Variants in DOCK3 observed in about 807,000 individuals in gnomAD.
DOCK3 encodes the protein dedicator of cytokinesis protein 3.
A neutral mutation model predicts 265.6 loss-of-function variants in DOCK3; 60 were observed. That is an observed-to-expected ratio of 0.23 (90% CI 0.18 to 0.28). The LOEUF (loss-of-function observed/expected upper bound fraction) is 0.28, where lower values mean the gene tolerates loss of function less well. Ranked by LOEUF, DOCK3 falls within the 10% of genes least tolerant of loss-of-function variation. The pLI is 1.00. For synonymous variants in DOCK3, 881 were observed against 938.0 expected (o/e 0.94, Z 1.11); for missense variants, 1,981 against 2,594.3 (o/e 0.76, Z 5.14).
At chr3:50,871,298 G>GT (rs1431338705) in intron 3 of DOCK3, among the ~76,000 whole-genome samples, 572 of 141,720 alleles carry the variant, frequency 4.0e-3, no homozygotes, top group Admixed American at 5.5e-3. Flanking sequence ...TTGGGTAAAA[G>GT]TTTTTTTTTT....
At chr3:50,725,890 C>T (rs142254471) in intron 1 of DOCK3, among the ~76,000 whole-genome samples, 7 of 152,304 alleles carry the variant, frequency 4.6e-5, no homozygotes, top group African/African-American at 1.7e-4. Context: ...CATATACAGT[C>T]ATCCCTTGGT....
intron 35 of DOCK3, among the ~76,000 whole-genome samples, chr3:51,336,248 A>T (rs922956596): frequency 3.3e-5 from 5 of 152,136 alleles, no homozygotes; most frequent in Admixed American, 2.0e-4. Context: ...CTTTTGTGTG[A>T]ATCTCAGACA....
chr3:50,778,174 A>G (rs2108511624), intron 1 of DOCK3, among the ~76,000 whole-genome samples: 1 of 152,150 alleles, frequency 6.6e-6, no homozygotes, highest in East Asian at 1.9e-4. Flanking sequence ...ATTGTTATCT[A>G]TAGATTTTTT....
At chr3:51,380,927 CAA>C (rs2088580315) in intron 52 of DOCK3, 121 bp from the exon 53 acceptor site, 1 of 1,278,622 alleles carries the variant, frequency 7.8e-7, no homozygotes, top group African/African-American at 1.5e-5. Context: ...GCTGAAGAAA[CAA>C]GAAACATGCT....
At chr3:50,964,585 G>A (rs1450486047) in intron 5 of DOCK3, among the ~76,000 whole-genome samples, 1 of 152,062 alleles carries the variant, frequency 6.6e-6, no homozygotes, top group Non-Finnish European at 1.5e-5. Context: ...AAGCCCAAAA[G>A]TGATAAAATA....
intron 2 of DOCK3, among the ~76,000 whole-genome samples, chr3:50,795,150 G>A (rs933756533): frequency 1.3e-5 from 2 of 151,928 alleles, no homozygotes; most frequent in African/African-American, 4.8e-5. Context: ...TTTCATTCTA[G>A]CTACCTTTAA....
intron 23 of DOCK3, 39 bp from the exon 24 acceptor site, chr3:51,270,776 C>A: frequency 6.3e-7 from 1 of 1,583,812 alleles, no homozygotes; most frequent in South Asian, 1.2e-5. Context: ...GACACACACC[C>A]TAACTCTGTG....
chr3:51,130,638 T>C (rs1209998900), intron 9 of DOCK3, among the ~76,000 whole-genome samples: 1 of 152,222 alleles, frequency 6.6e-6, no homozygotes, highest in Non-Finnish European at 1.5e-5. Context: ...CCGTACATCT[T>C]TCAAGTCCTT....
chr3:51,075,815 A>G (rs528742353), intron 7 of DOCK3, among the ~76,000 whole-genome samples: 2 of 152,370 alleles, frequency 1.3e-5, no homozygotes, highest in South Asian at 4.1e-4. Context: ...CCTGGAAATA[A>G]TGTACTAGTC....
At chr3:50,983,189 A>G (rs1171617967) in intron 5 of DOCK3, among the ~76,000 whole-genome samples, 1 of 151,904 alleles carries the variant, frequency 6.6e-6, no homozygotes, top group Non-Finnish European at 1.5e-5. Flanking sequence ...GGTAGGGATG[A>G]GGTGGGGCTG....
At chr3:51,118,670 A>G (rs1234650056) in intron 9 of DOCK3, among the ~76,000 whole-genome samples, 1 of 152,162 alleles carries the variant, frequency 6.6e-6, no homozygotes, top group African/African-American at 2.4e-5. Flanking sequence ...TATTTAGGAT[A>G]GTTACCTCTT....
At chr3:50,860,580 A>T (rs1178219966) in intron 3 of DOCK3, among the ~76,000 whole-genome samples, 1 of 152,150 alleles carries the variant, frequency 6.6e-6, no homozygotes, top group Admixed American at 6.5e-5. Flanking sequence ...GGTGAGGAGT[A>T]ATGGGTCAGG....
intron 35 of DOCK3, among the ~76,000 whole-genome samples, chr3:51,333,749 G>A (rs140123090): frequency 1.3e-5 from 2 of 152,186 alleles, no homozygotes; most frequent in African/African-American, 4.8e-5. Context: ...TAAAATCTAT[G>A]TATTTCTGTC....
chr3:51,075,540 T>C, intron 7 of DOCK3, 100 bp downstream of exon 7: 2 of 960,062 alleles, frequency 2.1e-6, no homozygotes, highest in Non-Finnish European at 3.1e-6. Context: ...TAAAAATTTG[T>C]TTTGGCCTCT....
chr3:51,027,889 A>T (rs182310828), intron 5 of DOCK3, among the ~76,000 whole-genome samples: 1 of 150,596 alleles, frequency 6.6e-6, no homozygotes, highest in Non-Finnish European at 1.5e-5. Flanking sequence ...TTTTCATCCA[A>T]TTTGCCACTC....
intron 36 of DOCK3, 118 bp from the exon 37 acceptor site, chr3:51,338,817 G>C (rs906278418): frequency 1.2e-6 from 1 of 801,028 alleles, no homozygotes. Context: ...GGTGCTGTCT[G>C]CCTCCAGGGC....
chr3:50,753,657 C>G (rs1030003235), intron 1 of DOCK3, among the ~76,000 whole-genome samples: 28 of 152,250 alleles, frequency 1.8e-4, no homozygotes, highest in African/African-American at 6.5e-4. Flanking sequence ...GGCACCGTGT[C>G]TCACCCATAG....
chr3:50,904,658 T>C (rs2049381289), intron 4 of DOCK3, among the ~76,000 whole-genome samples: 1 of 152,232 alleles, frequency 6.6e-6, no homozygotes, highest in Non-Finnish European at 1.5e-5. Flanking sequence ...AAGTTCTTTG[T>C]AGATTCTGGA....
chr3:51,004,273 G>A (rs1252612339), intron 5 of DOCK3, among the ~76,000 whole-genome samples: 1 of 152,086 alleles, frequency 6.6e-6, no homozygotes, highest in Non-Finnish European at 1.5e-5. Context: ...GCAAGCTATG[G>A]AGAGGCCCAT....
Sources: allele counts gnomAD v4.1 joint callset (sites outside exome capture counted in the v4.1 genomes callset), GRCh38; gene constraint gnomAD v4.1.1; transcripts MANE v1.5; gene names NCBI Gene and HGNC (gene_info 2026-07-23, HGNC 2026-07-21).